The following MBNL1 variants were observed in gnomAD, a reference collection of about 807,000 sequenced individuals.
The protein encoded by MBNL1 is muscleblind-like protein 1.
A neutral mutation model predicts 42.2 loss-of-function variants in MBNL1; 8 were observed. The observed-to-expected ratio is 0.19, with a 90% confidence interval of 0.11 to 0.34. MBNL1 has a LOEUF of 0.34. MBNL1 is among the 10% of genes least tolerant of loss of function. The pLI is 1.00. For synonymous variants in MBNL1, 169 were observed against 173.9 expected (o/e 0.97, Z 0.22); for missense variants, 309 against 495.3 (o/e 0.62, Z 3.57).
chr3:152,443,921 A>G (rs2099182716), intron 4 of MBNL1, among the ~76,000 whole-genome samples: 1 of 152,178 alleles, frequency 6.6e-6, no homozygotes, highest in South Asian at 2.1e-4. Context: ...AAGATGTAGC[A>G]TGATACAGAT....
intron 2 of MBNL1, among the ~76,000 whole-genome samples, chr3:152,361,981 C>T (rs925481659): frequency 6.6e-6 from 1 of 152,160 alleles, no homozygotes; most frequent in African/African-American, 2.4e-5. Context: ...GTAGTTTCTG[C>T]AGCTAATATT....
intron 1 of MBNL1, among the ~76,000 whole-genome samples, chr3:152,289,648 G>A (rs946274768): frequency 6.6e-6 from 1 of 151,944 alleles, no homozygotes; most frequent in Non-Finnish European, 1.5e-5. Flanking sequence ...TTATTATGAG[G>A]AATATATTCA....
At position 152,274,521 on chromosome 3, in the gene MBNL1, G is replaced by T. The variant is rs575906347; in HGVS notation, c.-790+5429G>T. 3.9e-5 allele frequency among the ~76,000 whole-genome samples: 6 copies of T among 152,160 alleles called. No homozygotes were observed. The South Asian group carries it at 1.2e-3, about 32-fold the overall frequency. On this transcript the variant is annotated intron_variant, in intron 1 of 9. Coordinates refer to ENST00000324210, the MANE Select transcript of MBNL1 (RefSeq NM_021038.5). ...GAAAGTCTTAAGATAACTCTGACTT[G>T]ACCCACATACATGTAATAAAGGGAA...
chr3:152,418,979 G>A (rs2098752683), intron 3 of MBNL1, among the ~76,000 whole-genome samples: 1 of 152,092 alleles, frequency 6.6e-6, no homozygotes, highest in African/African-American at 2.4e-5. Context: ...GCCTCTCAGA[G>A]TGCTGGGATT....
At chr3:152,281,251 G>A (rs2048308755) in intron 1 of MBNL1, among the ~76,000 whole-genome samples, 1 of 152,042 alleles carries the variant, frequency 6.6e-6, no homozygotes, top group South Asian at 2.1e-4. Context: ...CATATGATAA[G>A]GTACTACTGT....
Position 152,286,473 on chromosome 3 carries a change from A to T in MBNL1, c.-789-12932A>T, listed in dbSNP as rs994579156. Among the ~76,000 whole-genome samples, 2 of 139,134 alleles carry T rather than the reference A, an allele frequency of 1.4e-5. 1 individual carries two copies. Among genetic ancestry groups the T allele is most frequent in the Non-Finnish European group, 3.1e-5 (2 of 64,366 alleles). 91.3% of individuals were successfully genotyped at this position (139,134 alleles called of 152,430 possible). On this transcript the variant is annotated intron_variant, in intron 1 of 9. Transcript: ENST00000324210. The stretch of plus-strand genomic sequence containing the variant: ...TTTATAATATAAATATATTTTATTT[A>T]TAATATAAATATATTTTATTTATAA...
At chr3:152,400,939 C>T (rs756662454) in intron 2 of MBNL1, among the ~76,000 whole-genome samples, 1 of 152,154 alleles carries the variant, frequency 6.6e-6, no homozygotes, top group African/African-American at 2.4e-5. Flanking sequence ...GTAAACCAAC[C>T]TGTGGTCTTC....
chr3:152,414,179 G>C (rs1377335125), intron 2 of MBNL1, among the ~76,000 whole-genome samples: 1 of 152,232 alleles, frequency 6.6e-6, no homozygotes, highest in African/African-American at 2.4e-5. Flanking sequence ...TACAGAGGTA[G>C]TGCACCGCCA....
intron 3 of MBNL1, among the ~76,000 whole-genome samples, chr3:152,429,875 T>A (rs751444681): frequency 6.6e-6 from 1 of 152,190 alleles, no homozygotes; most frequent in Admixed American, 6.5e-5. Context: ...TTACTGATTG[T>A]CTGCCTGTTC....
chr3:152,249,979 T>G (rs1389214302), intron 2 of MBNL1, among the ~76,000 whole-genome samples: 1 of 148,174 alleles, frequency 6.7e-6, no homozygotes, highest in Admixed American at 6.8e-5. Context: ...TTGATCTATA[T>G]CTCTGTTTTG....
At chr3:152,432,537 G>T (rs1276291396) in intron 3 of MBNL1, among the ~76,000 whole-genome samples, 180 bp from the exon 4 acceptor site, 8 of 152,024 alleles carry the variant, frequency 5.3e-5, no homozygotes, top group Admixed American at 4.6e-4. Context: ...TTGATTTGAT[G>T]AATGTTTATT....
chr3:152,393,223 T>C (rs780576138), intron 2 of MBNL1, among the ~76,000 whole-genome samples: 4 of 152,190 alleles, frequency 2.6e-5, no homozygotes, highest in Non-Finnish European at 5.9e-5. Flanking sequence ...AAAATAGATA[T>C]TGTATTCCCA....
intron 3 of MBNL1, among the ~76,000 whole-genome samples, chr3:152,431,205 T>G (rs1251143331): frequency 6.6e-6 from 1 of 152,140 alleles, no homozygotes; most frequent in African/African-American, 2.4e-5. Context: ...GTAGGACACT[T>G]AGCAGCATCC....
At chr3:152,290,452 A>G (rs2055255796) in intron 1 of MBNL1, among the ~76,000 whole-genome samples, 1 of 152,070 alleles carries the variant, frequency 6.6e-6, no homozygotes, top group East Asian at 1.9e-4. Context: ...TGAGAGGGAA[A>G]GTTGGAATAG....
At chr3:152,381,658 G>T (rs893824387) in intron 2 of MBNL1, among the ~76,000 whole-genome samples, 3 of 151,700 alleles carry the variant, frequency 2.0e-5, no homozygotes, top group Non-Finnish European at 2.9e-5. Flanking sequence ...TATGAAAATT[G>T]TTCTTAATTT....
At chr3:152,449,321 T>C (rs1004513714) in intron 6 of MBNL1, 2 of 152,232 alleles carry the variant, frequency 1.3e-5, no homozygotes, top group African/African-American at 4.8e-5. Context: ...CACAGTCAGT[T>C]ACAGATTGAA....
chr3:152,304,834 G>C (rs1342283245), intron 2 of MBNL1, among the ~76,000 whole-genome samples: 4 of 152,136 alleles, frequency 2.6e-5, no homozygotes, highest in Non-Finnish European at 5.9e-5. Context: ...GGTGAAACTA[G>C]TAATTGTATT....
chr3:152,294,394 C>T (rs1195476639), intron 1 of MBNL1, among the ~76,000 whole-genome samples: 2 of 151,138 alleles, frequency 1.3e-5, no homozygotes, highest in African/African-American at 4.9e-5. Flanking sequence ...CGCCATTCTC[C>T]TGCCTCACCC....
intron 1 of MBNL1, among the ~76,000 whole-genome samples, chr3:152,292,044 T>G (rs1012107943): frequency 2.0e-5 from 3 of 152,222 alleles, no homozygotes; most frequent in African/African-American, 2.4e-5. Context: ...GAGTCTGGAC[T>G]GCTGTTGGGA....
Sources: gnomAD v4.1 joint callset for allele counts (sites outside exome capture counted in the v4.1 genomes callset) on GRCh38, gnomAD v4.1.1 for gene constraint, MANE v1.5 for transcripts, NCBI Gene and HGNC (gene_info 2026-07-23, HGNC 2026-07-21) for gene names.